The following METTL21C variants were observed in gnomAD, a reference collection of about 807,000 sequenced individuals.
METTL21C encodes the protein methyltransferase 21C, AARS1 lysine.
A neutral mutation model predicts 25.9 loss-of-function variants in METTL21C; 21 were observed. That is an observed-to-expected ratio of 0.81 (90% CI 0.58 to 1.17). METTL21C has a LOEUF of 1.17. Ranked by LOEUF, METTL21C falls within the 50% of genes most tolerant of loss-of-function variation. The pLI is 0.00. For missense variants in METTL21C, 312 were observed against 315.1 expected, an observed-to-expected ratio of 0.99 and a Z score of 0.07; for synonymous variants, 125 against 124.7, an observed-to-expected ratio of 1.00 and a Z score of -0.01.
upstream of METTL21C, among the ~76,000 whole-genome samples, chr13:102,697,538 G>A (rs910659276): frequency 7.9e-5 from 12 of 152,168 alleles, no homozygotes; most frequent in African/African-American, 2.9e-4. Context: ...CAGCCTAGGT[G>A]TCTACTGACT....
At chr13:102,689,772 T>C (rs961152102) in intron 2 of METTL21C, among the ~76,000 whole-genome samples, 23 of 152,218 alleles carry the variant, frequency 1.5e-4, no homozygotes, top group Non-Finnish European at 3.1e-4. Flanking sequence ...CGTTCCCATT[T>C]CCTCAGCTGA....
intron 1 of METTL21C, among the ~76,000 whole-genome samples, chr13:102,691,919 G>C (rs926333372): frequency 6.6e-6 from 1 of 152,238 alleles, no homozygotes; most frequent in African/African-American, 2.4e-5. Context: ...GAGATCACAA[G>C]TGTTTGCAGG....
At chr13:102,695,409 A>T (rs1417880092), upstream of METTL21C, among the ~76,000 whole-genome samples, 1 of 152,190 alleles carries the variant, frequency 6.6e-6, no homozygotes, top group Non-Finnish European at 1.5e-5. Context: ...GAGAAAAATC[A>T]TGTGCTCATT....
the METTL21C span, among the ~76,000 whole-genome samples, chr13:102,702,653 T>TCTCAACTCACTGCAGCAAC: frequency 6.6e-6 from 1 of 151,566 alleles, no homozygotes; most frequent in Non-Finnish European, 1.5e-5. Flanking sequence ...AATGGCGCAA[T>TCTCAACTCACTGCAGCAAC]CTCCACTCAC....
chr13:102,686,989 A>G lies in METTL21C; in HGVS notation c.351T>C (p.Leu117=), dbSNP rs1566387435. ...CAAGGCCTGGTCCGGCACCAATTTC[A>G]AGTATTTTTGCATCTTGGAAATTCA... is the stretch of plus-strand genomic sequence containing the variant. The part of the protein sequence containing the change: ...EELNFQDAKI[L]EIGAGPGLVS... Residue 117 remains leucine (L), a synonymous_variant, in exon 3 of 4, where the codon CTT becomes CTC. Transcript: ENST00000267273. 8.7e-6 allele frequency: 14 copies of G among 1,614,166 alleles called. No individual in the cohort carries two copies. Among genetic ancestry groups the G allele is most frequent in the Non-Finnish European group, 1.2e-5 (14 of 1,180,002 alleles).
rs779613905 is a variant in METTL21C, at chr13:102,685,999, A to G, written c.*32T>C. The G allele has an allele frequency of 6.5e-7, 1 of 1,535,036 alleles. No homozygotes were observed. The highest frequency in any genetic ancestry group is 8.8e-7 in the Non-Finnish European group (1 of 1,140,378). The stretch of plus-strand genomic sequence containing the variant: ...ATTTCTAACACATTGCTCAAAAGAC[A>G]CAGTAACGTTGTGAAAGGCATTTTG... On this transcript the variant is annotated 3_prime_UTR_variant, in exon 4 of 4. Transcript: ENST00000267273.
the METTL21C span, among the ~76,000 whole-genome samples, chr13:102,703,940 C>T: frequency 2.6e-5 from 4 of 152,196 alleles, no homozygotes; most frequent in African/African-American, 7.2e-5. Context: ...TATAGATTAA[C>T]TTTCTCCCTA....
At chr13:102,700,779 G>A in the METTL21C span, among the ~76,000 whole-genome samples, 3 of 152,110 alleles carry the variant, frequency 2.0e-5, no homozygotes, top group Admixed American at 1.3e-4. Context: ...AGCTGAGGAG[G>A]GGCAAGGATG....
At chr13:102,695,302 T>A (rs1174365256), upstream of METTL21C, among the ~76,000 whole-genome samples, 1 of 152,102 alleles carries the variant, frequency 6.6e-6, no homozygotes, top group Non-Finnish European at 1.5e-5. Flanking sequence ...TCTGGGGGAT[T>A]TAGAGCAGAG....
rs763159476 is a variant in METTL21C, at chr13:102,686,996, T to A, written c.344A>T (p.Lys115Ile). 3 of 1,614,174 alleles carry A rather than the reference T, an allele frequency of 1.9e-6. No homozygotes were observed. Among genetic ancestry groups the A allele is most frequent in the Non-Finnish European group, 2.5e-6 (3 of 1,180,022 alleles). ...HAEELNFQDAKILEIGAGPGL... is the reference protein window; with the variant it reads ...HAEELNFQDAIILEIGAGPGL... ...TGGTCCGGCACCAATTTCAAGTATT[T>A]TTGCATCTTGGAAATTCAATTCCTC... The change falls in exon 3 of 4, where the codon AAA (lysine) becomes ATA (isoleucine). Residue 115 changes from lysine to isoleucine, a missense_variant. Coordinates refer to ENST00000267273, the MANE Select transcript of METTL21C (RefSeq NM_001010977.3).
chr13:102,688,987 A>G (rs1187391432), intron 2 of METTL21C, among the ~76,000 whole-genome samples: 1 of 152,218 alleles, frequency 6.6e-6, no homozygotes, highest in Non-Finnish European at 1.5e-5. Flanking sequence ...TGCAGCTTTC[A>G]GGAAGCAGGT....
At chr13:102,690,764 A>C in intron 2 of METTL21C, 49 bp downstream of exon 2, 1 of 1,597,654 alleles carries the variant, frequency 6.3e-7, no homozygotes, top group East Asian at 2.2e-5. Flanking sequence ...GAAGTACGGA[A>C]TTGTTATCTC....
In METTL21C at chr13:102,694,406, C is replaced by T. The variant is rs1193975973; in HGVS notation, c.93G>A (p.Gly31=). Residue 31 remains glycine, a synonymous_variant, in exon 1 of 4, where the codon GGG becomes GGA. Coordinates refer to ENST00000267273, the MANE Select transcript of METTL21C (RefSeq NM_001010977.3). ...PGGWLEAEKK[G]APQKDSTGGV... Reference sequence around the variant, plus strand: ...CCCCGGTGCTGTCTTTCTGCGGAGCCCCCTTCTTCTCAGCCTCTAACCAGC... The same window carrying T: ...CCCCGGTGCTGTCTTTCTGCGGAGCTCCCTTCTTCTCAGCCTCTAACCAGC... 4 of 1,607,580 alleles carry T rather than the reference C, an allele frequency of 2.5e-6. No individual in the cohort carries two copies.
chr13:102,686,564 G>A, intron 3 of METTL21C, 139 bp from the exon 4 acceptor site: 1 of 1,018,674 alleles, frequency 9.8e-7, no homozygotes, highest in Non-Finnish European at 1.4e-6. Context: ...TTGACCTAAT[G>A]TGGGCTGGCT....
At chr13:102,702,992 T>G in the METTL21C span, among the ~76,000 whole-genome samples, 1 of 152,284 alleles carries the variant, frequency 6.6e-6, no homozygotes, top group East Asian at 1.9e-4. Context: ...TACCATGGAA[T>G]AAAATATATT....
intron 1 of METTL21C, 116 bp downstream of exon 1, chr13:102,694,253 C>A: frequency 1.6e-6 from 2 of 1,221,220 alleles, no homozygotes; most frequent in South Asian, 1.4e-5. Flanking sequence ...TTCATTATAG[C>A]AAAAAATCTA....
At chr13:102,702,589 A>ATT in the METTL21C span, among the ~76,000 whole-genome samples, 3 of 146,372 alleles carry the variant, frequency 2.0e-5, no homozygotes, top group Non-Finnish European at 1.5e-5. Context: ...CAAAAACAGG[A>ATT]TTTTTTTTTT....
At chr13:102,690,498 C>A (rs1885801639) in intron 2 of METTL21C, among the ~76,000 whole-genome samples, 1 of 151,812 alleles carries the variant, frequency 6.6e-6, no homozygotes, top group Non-Finnish European at 1.5e-5. Context: ...ACTGCAAAAT[C>A]TAAACTCTAA....
At chr13:102,689,262 C>G (rs1885765581) in intron 2 of METTL21C, among the ~76,000 whole-genome samples, 1 of 152,150 alleles carries the variant, frequency 6.6e-6, no homozygotes, top group African/African-American at 2.4e-5. Context: ...TCTCGCTACA[C>G]CACTGCTGTC....
Sources: gnomAD v4.1 joint callset for allele counts (sites outside exome capture counted in the v4.1 genomes callset) on GRCh38, gnomAD v4.1.1 for gene constraint, MANE v1.5 for transcripts, NCBI Gene and HGNC (gene_info 2026-07-23, HGNC 2026-07-21) for gene names.